The following DIAPH2 variants were observed in gnomAD, a reference collection of about 807,000 sequenced individuals.
DIAPH2 encodes protein diaphanous homolog 2.
Under a neutral mutation model 92.7 loss-of-function variants are expected in DIAPH2, and 35 were observed. The observed-to-expected ratio is 0.38, with a 90% CI of 0.29 to 0.50. The LOEUF (loss-of-function observed/expected upper bound fraction) is 0.50, where lower values mean the gene tolerates loss of function less well. Ranked by LOEUF, DIAPH2 falls within the 20% of genes least tolerant of loss-of-function variation. The probability of loss-of-function intolerance (pLI) is 0.94; values close to 1 mark genes in which losing one functional copy is unlikely to be tolerated. For missense variants in DIAPH2, 701 were observed against 819.5 expected, an observed-to-expected ratio of 0.86 and a Z score of 1.77; for synonymous variants, 301 against 280.4, an observed-to-expected ratio of 1.07 and a Z score of -0.73.
chrX:97,202,464 G>GCA (rs1343302460), intron 22 of DIAPH2, among the ~76,000 whole-genome samples: 35 of 111,568 alleles, frequency 3.1e-4, no homozygotes, highest in Middle Eastern at 9.2e-3. Context: ...AGGGATGGAG[G>GCA]AGTATTTACC....
At chrX:96,936,611 C>A (rs751925527) in intron 10 of DIAPH2, among the ~76,000 whole-genome samples, 1 of 111,523 alleles carries the variant, frequency 9.0e-6, no homozygotes, top group Non-Finnish European at 1.9e-5. Flanking sequence ...TAATGTATTA[C>A]AAAAACATAA....
intron 23 of DIAPH2, among the ~76,000 whole-genome samples, chrX:97,300,790 G>A (rs1425122009): frequency 2.0e-5 from 2 of 97,794 alleles, no homozygotes; most frequent in Non-Finnish European, 4.1e-5. Flanking sequence ...AAATTAGCCG[G>A]GCATGGTGGC....
intron 26 of DIAPH2, among the ~76,000 whole-genome samples, chrX:97,573,198 C>G (rs1415160161): frequency 9.0e-6 from 1 of 111,442 alleles, no homozygotes; most frequent in African/African-American, 3.3e-5. Context: ...GATACCAAAT[C>G]TAATAATTGT....
chrX:97,170,964 C>A (rs936946472), intron 22 of DIAPH2, among the ~76,000 whole-genome samples: 16 of 110,323 alleles, frequency 1.5e-4, no homozygotes, highest in Non-Finnish European at 3.0e-4. Context: ...GCAACCTCTG[C>A]CTCCCCGGTT....
chrX:97,533,032 A>G (rs771624870), intron 26 of DIAPH2: 1 of 111,149 alleles, frequency 9.0e-6, no homozygotes, highest in East Asian at 2.8e-4. Context: ...AATTATGAAT[A>G]TTTTGAATAT....
At chrX:97,506,609 C>T (rs1022405944) in intron 26 of DIAPH2, among the ~76,000 whole-genome samples, 2 of 110,557 alleles carry the variant, frequency 1.8e-5, no homozygotes, top group African/African-American at 6.6e-5. Flanking sequence ...TAATTCAAGT[C>T]ATTAGAACCT....
chrX:97,184,356 C>A (rs1427058667), intron 22 of DIAPH2, among the ~76,000 whole-genome samples: 4 of 112,003 alleles, frequency 3.6e-5, no homozygotes, highest in Non-Finnish European at 5.6e-5. Flanking sequence ...TGTGTCATGT[C>A]ATTTATATGT....
rs190248330 is a variant in DIAPH2 at position 96,877,174 on chromosome X, T to G, written c.448-4405T>G. On this transcript the variant is annotated intron_variant, in intron 4 of 26. Transcript: ENST00000324765. ...ATAGGGCACTTATTTTGTGTTTCCC[T>G]TTCCTCCTTGAACTCAAGGAACTGA... 1.1e-3 allele frequency among the ~76,000 whole-genome samples: 118 copies of G among 111,207 alleles called. 1 individual carries two copies. Among genetic ancestry groups the G allele is most frequent in the African/African-American group, 3.8e-3 (116 of 30,689 alleles).
At chrX:97,579,113 T>C (rs1364797431) in intron 26 of DIAPH2, among the ~76,000 whole-genome samples, 3 of 109,585 alleles carry the variant, frequency 2.7e-5, no homozygotes, top group Non-Finnish European at 5.7e-5. Flanking sequence ...TTCTCCCATT[T>C]TGTAGGTTGC....
intron 23 of DIAPH2, among the ~76,000 whole-genome samples, chrX:97,294,588 G>T (rs777088028): frequency 1.4e-4 from 15 of 111,085 alleles, no homozygotes; most frequent in African/African-American, 4.6e-4. Context: ...ATGATTATAG[G>T]AATGTAGAGC....
At chrX:97,269,475 T>G (rs2068367258) in intron 23 of DIAPH2, among the ~76,000 whole-genome samples, 3 of 112,390 alleles carry the variant, frequency 2.7e-5, no homozygotes, top group Non-Finnish European at 5.6e-5. Flanking sequence ...ATTTATGTAT[T>G]ATTTACAATT....
chrX:97,268,020 G>C (rs1465585083), intron 23 of DIAPH2, among the ~76,000 whole-genome samples: 1 of 112,085 alleles, frequency 8.9e-6, no homozygotes, highest in African/African-American at 3.2e-5. Context: ...GTGTCATTTA[G>C]AGCCATTTAC....
chrX:97,598,049 G>C (rs1045931990), intron 26 of DIAPH2, among the ~76,000 whole-genome samples: 4 of 111,235 alleles, frequency 3.6e-5, no homozygotes, highest in Non-Finnish European at 5.7e-5. Context: ...CGGGAAATCA[G>C]TCAAGAGATG....
intron 1 of DIAPH2, among the ~76,000 whole-genome samples, chrX:96,687,470 C>T (rs1215526201): frequency 9.3e-6 from 1 of 107,605 alleles, no homozygotes; most frequent in East Asian, 2.9e-4. Context: ...GACGAAGTCT[C>T]GCTCTGTTGC....
chrX:96,946,316 CATT>C (rs1374822216), intron 14 of DIAPH2, among the ~76,000 whole-genome samples: 1 of 111,292 alleles, frequency 9.0e-6, no homozygotes, highest in Non-Finnish European at 1.9e-5. Flanking sequence ...GCCTATTAAG[CATT>C]AGTATAGTAT....
chrX:97,093,104 T>A (rs1245493521), intron 19 of DIAPH2, among the ~76,000 whole-genome samples: 31 of 107,843 alleles, frequency 2.9e-4, no homozygotes, highest in African/African-American at 9.8e-4. Context: ...GGGAGGATTG[T>A]TTGAGCCCAG....
chrX:97,195,501 A>G (rs1033140420), intron 22 of DIAPH2, among the ~76,000 whole-genome samples: 1 of 110,254 alleles, frequency 9.1e-6, no homozygotes, highest in Non-Finnish European at 1.9e-5. Flanking sequence ...TCTCTACTAA[A>G]AATACAAAAA....
intron 22 of DIAPH2, among the ~76,000 whole-genome samples, chrX:97,235,962 A>C (rs1043416427): frequency 2.7e-5 from 3 of 111,908 alleles, no homozygotes; most frequent in Non-Finnish European, 5.6e-5. Flanking sequence ...TAGTAATCCT[A>C]TTAATATCCA....
chrX:97,181,057 TTTGTTGTTG>T (rs764200751), intron 22 of DIAPH2, among the ~76,000 whole-genome samples: 1 of 110,337 alleles, frequency 9.1e-6, no homozygotes, highest in Non-Finnish European at 1.9e-5. Context: ...CAATGGCAGT[TTTGTTGTTG>T]TTGTTGTTGT....
Sources: allele counts gnomAD v4.1 joint callset (sites outside exome capture counted in the v4.1 genomes callset), GRCh38; gene constraint gnomAD v4.1.1; transcripts MANE v1.5; gene names NCBI Gene and HGNC (gene_info 2026-07-23, HGNC 2026-07-21).